FSTL4: variants seen among roughly 807,000 people sequenced by gnomAD.
The protein encoded by FSTL4 is follistatin like 4.
FSTL4 carries 28 observed loss-of-function variants against 78.2 expected under a neutral mutation model. That is an observed-to-expected ratio of 0.36 (90% CI 0.27 to 0.49). The LOEUF (loss-of-function observed/expected upper bound fraction) is 0.49, where lower values mean the gene tolerates loss of function less well. Ranked by LOEUF, FSTL4 falls within the 20% of genes least tolerant of loss-of-function variation. The pLI, the probability that FSTL4 is intolerant of heterozygous loss-of-function variation, is 0.98. For missense variants in FSTL4, 922 were observed against 1,084.9 expected (o/e 0.85, Z 2.11); for synonymous variants, 422 against 440.5 (o/e 0.96, Z 0.53).
chr5:133,666,673 TA>T, the FSTL4 span, among the ~76,000 whole-genome samples: 1 of 152,202 alleles, frequency 6.6e-6, no homozygotes, highest in East Asian at 1.9e-4. Context: ...TCGTGCGATA[TA>T]GTTTCTGAGG....
chr5:133,513,398 C>T (rs1206786392), intron 3 of FSTL4, among the ~76,000 whole-genome samples: 1 of 152,154 alleles, frequency 6.6e-6, no homozygotes, highest in East Asian at 1.9e-4. Context: ...AGCAGGAATA[C>T]ATGAAATTCA....
intron 6 of FSTL4, among the ~76,000 whole-genome samples, chr5:133,303,436 T>C (rs536896411): frequency 7.9e-5 from 12 of 152,356 alleles, no homozygotes; most frequent in African/African-American, 2.9e-4. Flanking sequence ...TCTCTCTGCC[T>C]AGCCAGGGAC....
the FSTL4 span, among the ~76,000 whole-genome samples, chr5:133,767,204 C>T: frequency 5.9e-5 from 9 of 152,102 alleles, no homozygotes; most frequent in African/African-American, 1.7e-4. Flanking sequence ...TTATCCCACC[C>T]GAGGGAAAGG....
chr5:133,402,601 A>G (rs1392456697), intron 3 of FSTL4, among the ~76,000 whole-genome samples: 2 of 152,218 alleles, frequency 1.3e-5, no homozygotes, highest in Non-Finnish European at 2.9e-5. Flanking sequence ...AAGAAAAAAA[A>G]AAGAAAAAAA....
At chr5:133,539,889 T>G (rs533869731) in intron 3 of FSTL4, among the ~76,000 whole-genome samples, 1 of 151,678 alleles carries the variant, frequency 6.6e-6, no homozygotes, top group African/African-American at 2.4e-5. Context: ...GTGTGTCATC[T>G]TGGCTGGGTC....
At chr5:133,227,319 C>T (rs561375748) in intron 8 of FSTL4, among the ~76,000 whole-genome samples, 63 of 152,292 alleles carry the variant, frequency 4.1e-4, no homozygotes, top group African/African-American at 9.4e-4. Flanking sequence ...GGAGCTCCAG[C>T]GGAGGCATGT....
chr5:133,741,956 G>A, the FSTL4 span, among the ~76,000 whole-genome samples: 1 of 152,200 alleles, frequency 6.6e-6, no homozygotes, highest in African/African-American at 2.4e-5. Flanking sequence ...TCACCCACTA[G>A]AGGCATCACC....
At chr5:133,701,509 A>ACACACACACACACACACCCC in the FSTL4 span, among the ~76,000 whole-genome samples, 13 of 132,692 alleles carry the variant, frequency 9.8e-5, no homozygotes, top group East Asian at 1.6e-3. Flanking sequence ...ACACACACAC[A>ACACACACACACACACACCCC]CCCCACAGGC....
At chr5:133,235,066 T>C (rs577666717) in intron 7 of FSTL4, among the ~76,000 whole-genome samples, 1 of 152,244 alleles carries the variant, frequency 6.6e-6, no homozygotes, top group Admixed American at 6.5e-5. Context: ...TAAAAGCAGC[T>C]GAGGGCAGCT....
intron 3 of FSTL4, among the ~76,000 whole-genome samples, chr5:133,466,541 CAAA>C (rs775476593): frequency 4.4e-5 from 5 of 113,178 alleles, no homozygotes; most frequent in Admixed American, 9.2e-5. Flanking sequence ...GACTCTGTCT[CAAA>C]AAAAAAAAAA....
rs1406723303 is a variant in FSTL4 at position 133,199,580 on chromosome 5, G to A, written c.2044C>T (p.Leu682Phe). The change falls in exon 16 of 16, where the codon CTT (leucine) becomes TTT (phenylalanine). Residue 682 changes from leucine (L) to phenylalanine (F), a missense_variant. By Grantham distance (22) the Leu-to-Phe change is conservative (BLOSUM62 0). Transcript: ENST00000265342. This position sits in a 1 kb window ranked among gnomAD's most constrained non-coding sequence, Gnocchi z 4.4. ...LLVDSVTDSV[L>F]GPNGDVTGTP... is the part of the protein sequence containing the mutation. ...CCTGTTACATCACCATTGGGGCCAA[G>A]CACAGAGTCTGTGACACTGTCAACG... 6.2e-7 allele frequency: 1 copy of A among 1,614,078 alleles called. No individual in the cohort carries two copies. Among genetic ancestry groups the A allele is most frequent in the Non-Finnish European group, 8.5e-7 (1 of 1,179,922 alleles).
the FSTL4 span, among the ~76,000 whole-genome samples, chr5:133,820,909 T>C: frequency 1.3e-5 from 2 of 152,248 alleles, no homozygotes; most frequent in Non-Finnish European, 2.9e-5. Flanking sequence ...ATGTTATTGA[T>C]AGTGTATTCT....
chr5:133,436,467 T>C (rs994219748), intron 3 of FSTL4, among the ~76,000 whole-genome samples: 2 of 152,152 alleles, frequency 1.3e-5, no homozygotes, highest in Non-Finnish European at 2.9e-5. Context: ...GAAAGGTTAA[T>C]AGGGTCAGAC....
chr5:133,311,178 C>T (rs1339887217), intron 6 of FSTL4, among the ~76,000 whole-genome samples: 1 of 152,182 alleles, frequency 6.6e-6, no homozygotes, highest in African/African-American at 2.4e-5. Flanking sequence ...TCTCATGAAC[C>T]AGGTGTGGGG....
the FSTL4 span, among the ~76,000 whole-genome samples, chr5:133,758,218 T>G: frequency 6.6e-6 from 1 of 152,212 alleles, no homozygotes; most frequent in Non-Finnish European, 1.5e-5. Flanking sequence ...TCTACAGACA[T>G]GGCAGCTATA....
intron 3 of FSTL4, among the ~76,000 whole-genome samples, chr5:133,546,937 T>TC (rs1250478567): frequency 6.6e-6 from 1 of 151,826 alleles, no homozygotes; most frequent in African/African-American, 2.4e-5. Flanking sequence ...CATGGCTTCC[T>TC]CCCCCCAGAT....
At chr5:133,751,717 C>T in the FSTL4 span, among the ~76,000 whole-genome samples, 4 of 152,278 alleles carry the variant, frequency 2.6e-5, no homozygotes, top group East Asian at 5.8e-4. Context: ...TGAGAGGTGT[C>T]GGGCAAAATA....
intron 3 of FSTL4, among the ~76,000 whole-genome samples, chr5:133,451,378 T>C (rs1421167370): frequency 6.6e-6 from 1 of 151,144 alleles, no homozygotes; most frequent in Non-Finnish European, 1.5e-5. Context: ...CTGGCCAACA[T>C]GGCAAAACTC....
At chr5:133,594,945 C>T (rs1234943486) in intron 2 of FSTL4, among the ~76,000 whole-genome samples, 2 of 152,246 alleles carry the variant, frequency 1.3e-5, no homozygotes, top group Non-Finnish European at 2.9e-5. Flanking sequence ...AAGAGTAGTT[C>T]TGCTCCTTTC....
Sources: allele counts gnomAD v4.1 joint callset (sites outside exome capture counted in the v4.1 genomes callset), GRCh38; gene constraint gnomAD v4.1.1; non-coding constraint Gnocchi (gnomAD v3.1); transcripts MANE v1.5; gene names NCBI Gene and HGNC (gene_info 2026-07-23, HGNC 2026-07-21).